CACNA1H: variants seen among roughly 807,000 people sequenced by gnomAD.
CACNA1H encodes the protein voltage-dependent T-type calcium channel subunit alpha-1H.
CACNA1H carries 149 observed loss-of-function variants against 192.5 expected under a neutral mutation model. The observed-to-expected ratio is 0.77, with a 90% CI of 0.68 to 0.89. The LOEUF (loss-of-function observed/expected upper bound fraction) is 0.89. Ranked by LOEUF, CACNA1H falls within the 40% of genes least tolerant of loss-of-function variation. CACNA1H has a pLI of 0.00. For missense variants in CACNA1H, 4,257 were observed against 3,423.5 expected (o/e 1.24, Z -6.08); for synonymous variants, 2,202 against 1,475.2 (o/e 1.49, Z -11.29).
At chr16:1,216,441 GGCTCACAAGAGA>G (rs1970033310) in intron 30 of CACNA1H, among the ~76,000 whole-genome samples, 1 of 152,046 alleles carries the variant, frequency 6.6e-6, no homozygotes, top group African/African-American at 2.4e-5. Context: ...GCTGGTGGGT[GGCTCACAAGAGA>G]GCCGTGGCAG....
At chr16:1,188,534 C>T (rs1966286027) in intron 2 of CACNA1H, among the ~76,000 whole-genome samples, 1 of 151,654 alleles carries the variant, frequency 6.6e-6, no homozygotes, top group Admixed American at 6.5e-5. Flanking sequence ...CCGCCACTCG[C>T]AGACACTCCC....
At chr16:1,198,832 A>G in intron 6 of CACNA1H, 58 bp downstream of exon 6, 1 of 1,512,266 alleles carries the variant, frequency 6.6e-7, no homozygotes, top group Non-Finnish European at 8.9e-7. Flanking sequence ...CACCATGCAG[A>G]TAACGCACCA....
chr16:1,218,846 G>A, intron 33 of CACNA1H, 124 bp from the exon 34 acceptor site: 6 of 1,189,498 alleles, frequency 5.0e-6, no homozygotes, highest in Non-Finnish European at 5.9e-6. Context: ...TGAGAGAGAG[G>A]ACGGGTCGGG....
chr16:1,200,486 A>C lies in CACNA1H; in HGVS notation c.1034A>C (p.Asn345Thr). The C allele has an allele frequency of 6.2e-7, 1 of 1,612,034 alleles. No individual in the cohort carries two copies. The highest frequency in any genetic ancestry group is 8.5e-7 in the Non-Finnish European group (1 of 1,179,660). The change falls in exon 7 of 35, where the codon AAC becomes ACC. Residue 345 changes from asparagine to threonine, a missense_variant. Physicochemically the swap from Asn to Thr is moderately conservative, Grantham distance 65. Transcript: ENST00000348261. Reference protein sequence around the residue: ...NACINWNQYYNVCRSGDSNPH... With the variant: ...NACINWNQYYTVCRSGDSNPH... ...TGCATCAACTGGAACCAGTACTACA[A>C]CGTGTGCCGCTCGGGTGACTCCAAC...
In CACNA1H at chr16:1,155,578, G is replaced by A. The variant is rs1404089261; in HGVS notation, c.299+1542G>A. Among the ~76,000 whole-genome samples, 5 of 152,158 alleles carry A rather than the reference G, an allele frequency of 3.3e-5. No individual in the cohort carries two copies. The East Asian group carries it at 7.7e-4, about 23-fold the overall frequency. ...CCTTGTTTCCCAACGTGTGCAGACC[G>A]GAGAAGGGAAAGAGTTGAGCAAGCC... is the stretch of plus-strand genomic sequence containing the variant. On this transcript the variant is annotated intron_variant, in intron 2 of 34. Coordinates refer to ENST00000348261, the MANE Select transcript of CACNA1H (RefSeq NM_021098.3).
rs1961811409 is a variant in CACNA1H, at chr16:1,153,215, T to G, written c.-274T>G. On this transcript the variant is annotated 5_prime_UTR_variant, in exon 1 of 35. Transcript: ENST00000348261. ...GCGCCCCGCGCCCCGGCCTCACCCG[T>G]CCGCTCAGCGGCCTCCACGCCGCGC... 6.9e-6 allele frequency: 1 copy of G among 144,008 alleles called. No homozygotes were observed. The highest frequency in any genetic ancestry group is 2.1e-4 in the East Asian group (1 of 4,682). The allele number at this position is 144,008 out of a possible 1,614,324, so 8.9% of individuals were successfully genotyped here. A position where few individuals can be genotyped will look rare whatever the true frequency, so the allele number is the denominator to read the frequency against.
At position 1,218,269 on chromosome 16, in the gene CACNA1H, G is replaced by A. The variant is rs763756978; in HGVS notation, c.5505G>A (p.Leu1835=). ...DKHCLSYLPA[L]SPVYFVTFVL... ...ACTGCCTGAGCTACCTGCCGGCCCT[G>A]TCGCCCGTCTACTTCGTGACCTTCG... is the stretch of plus-strand genomic sequence containing the variant. The change falls in exon 33 of 35, where the codon CTG becomes CTA. Residue 1835 remains leucine, a synonymous_variant. Coordinates refer to ENST00000348261, the MANE Select transcript of CACNA1H (RefSeq NM_021098.3). 1 of 1,551,818 alleles carries A rather than the reference G, an allele frequency of 6.4e-7. No individual in the cohort carries two copies. The highest frequency in any genetic ancestry group is 1.7e-4 in the Middle Eastern group (1 of 5,922).
rs267604411 is a variant in CACNA1H, at chr16:1,220,892, G to A, written c.6960G>A (p.Lys2320=). 1.9e-6 allele frequency: 3 copies of A among 1,612,378 alleles called. No individual in the cohort carries two copies. In the South Asian group the frequency reaches 3.3e-5, roughly 18 times the overall value. ...TGCCCGTCGGTGACCCCCCAGAGAA[G>A]AGGCGGGGGCTGTACCTCACAGTCC... ...PPMPVGDPPE[K]RRGLYLTVPQ... Residue 2320 remains lysine, a synonymous_variant, in exon 35 of 35, where the codon AAG becomes AAA. Transcript: ENST00000348261.
In CACNA1H at chr16:1,220,083, C is replaced by G. The variant is rs1292567709; in HGVS notation, c.6151C>G (p.Gln2051Glu). ...GAAAACCCCGGTGAGGCCGGTGACC[C>G]AGGGGGGCTCCCTGCAGTCCCCACC... ...GEKTPVRPVT[Q>E]GGSLQSPPRS... Residue 2051 changes from glutamine (Q) to glutamate (E), a missense_variant, in exon 35 of 35, where the codon CAG becomes GAG. Coordinates refer to ENST00000348261, the MANE Select transcript of CACNA1H (RefSeq NM_021098.3). 1 of 1,459,408 alleles carries G rather than the reference C, an allele frequency of 6.9e-7. No homozygotes were observed. Among genetic ancestry groups the G allele is most frequent in the Non-Finnish European group, 9.0e-7 (1 of 1,107,724 alleles). The allele number at this position is 1,459,408 out of a possible 1,614,324, so 90.4% of individuals were successfully genotyped here.
At position 1,153,776 on chromosome 16, in the gene CACNA1H, G is replaced by A. The variant is rs1306573144; in HGVS notation, c.39G>A (p.Val13=). Residue 13 remains valine (V), a synonymous_variant, in exon 2 of 35, where the codon GTG becomes GTA. Coordinates refer to ENST00000348261, the MANE Select transcript of CACNA1H (RefSeq NM_021098.3). ...CACGGGCCGCCGACGAGGTCCGGGT[G>A]CCCCTGGGCGCGCCGCCCCCTGGCC... The part of the protein sequence containing the change: ...EGARAADEVR[V]PLGAPPPGPA... 4.7e-5 allele frequency: 57 copies of A among 1,224,094 alleles called. No homozygotes were observed. Among genetic ancestry groups the A allele is most frequent in the Non-Finnish European group, 5.7e-5 (56 of 982,904 alleles). 75.8% of individuals were successfully genotyped at this position (1,224,094 alleles called of 1,614,324 possible).
intron 1 of CACNA1H, 104 bp downstream of exon 1, chr16:1,153,574 G>A: frequency 2.6e-6 from 1 of 386,208 alleles, no homozygotes. Flanking sequence ...GGAGGGAGGG[G>A]GCGGGCGGGG....
At chr16:1,216,900 G>T in intron 30 of CACNA1H, 32 bp from the exon 31 acceptor site, 1 of 1,570,798 alleles carries the variant, frequency 6.4e-7, no homozygotes. Context: ...CTGCCCGCCC[G>T]TCTGACCCAG....
At chr16:1,212,596 C>T (rs1969590034) in intron 26 of CACNA1H, 68 bp downstream of exon 26, 1 of 1,559,100 alleles carries the variant, frequency 6.4e-7, no homozygotes, top group Non-Finnish European at 8.7e-7. Context: ...GGGCGGGCAT[C>T]CCAGGCCTGC....
chr16:1,197,610 T>C (rs2141213306), intron 5 of CACNA1H, among the ~76,000 whole-genome samples: 1 of 152,318 alleles, frequency 6.6e-6, no homozygotes, highest in African/African-American at 2.4e-5. Context: ...CTCTGGGTCA[T>C]CTGTGATCTT....
intron 17 of CACNA1H, 52 bp downstream of exon 17, chr16:1,209,464 C>A: frequency 6.3e-7 from 1 of 1,577,922 alleles, no homozygotes; most frequent in Non-Finnish European, 8.6e-7. Flanking sequence ...CTGTCTGGGG[C>A]AGGTTCCCTC....
chr16:1,221,404 C>T lies in CACNA1H; in HGVS notation c.*410C>T. On this transcript the variant is annotated 3_prime_UTR_variant, in exon 35 of 35. Transcript: ENST00000348261. ...GCCCTTGCCGGCGGCAGGTTGCAGCCACCGCGGCCCAATGTCACCTTCACT... is the reference window on the plus strand; with the variant it reads ...GCCCTTGCCGGCGGCAGGTTGCAGCTACCGCGGCCCAATGTCACCTTCACT... 4 of 290,374 alleles carry T rather than the reference C, an allele frequency of 1.4e-5. No homozygotes were observed. Among genetic ancestry groups the T allele is most frequent in the Non-Finnish European group, 2.6e-5 (4 of 156,458 alleles). 18.0% of individuals were successfully genotyped at this position (290,374 alleles called of 1,614,324 possible).
At chr16:1,196,092 CAAA>C in intron 5 of CACNA1H, 69 bp downstream of exon 5, 1 of 1,241,112 alleles carries the variant, frequency 8.1e-7, no homozygotes, top group Non-Finnish European at 1.2e-6. Context: ...GCAGAGCTCT[CAAA>C]AGGGCCCCCA....
chr16:1,165,876 G>T (rs186779746), intron 2 of CACNA1H, among the ~76,000 whole-genome samples: 400 of 152,344 alleles, frequency 2.6e-3, no homozygotes, highest in African/African-American at 9.0e-3. Context: ...TGGGAGAGGG[G>T]TGGGTCCTCT....
At chr16:1,161,258 C>T (rs143548282) in intron 2 of CACNA1H, among the ~76,000 whole-genome samples, 3 of 152,304 alleles carry the variant, frequency 2.0e-5, no homozygotes, top group Non-Finnish European at 4.4e-5. Context: ...TTAGGTGACA[C>T]GGGATGTTGG....
Sources: allele counts gnomAD v4.1 joint callset (sites outside exome capture counted in the v4.1 genomes callset), GRCh38; gene constraint gnomAD v4.1.1; transcripts MANE v1.5; gene names NCBI Gene and HGNC (gene_info 2026-07-23, HGNC 2026-07-21).